The following NR3C2 variants were observed in gnomAD, a reference collection of about 807,000 sequenced individuals.
NR3C2 encodes nuclear receptor subfamily 3 group C member 2, also known as mineralocorticoid receptor.
NR3C2 carries 15 observed loss-of-function variants against 86.4 expected under a neutral mutation model. The ratio of observed to expected loss-of-function variants is 0.17; its 90% confidence interval spans 0.12 to 0.27. The LOEUF is 0.27. Ranked by LOEUF, NR3C2 falls within the 10% of genes least tolerant of loss-of-function variation. The pLI is 1.00. For missense variants in NR3C2, 960 were observed against 1,195.6 expected (o/e 0.80, Z 2.91); for synonymous variants, 458 against 450.5 (o/e 1.02, Z -0.21).
intron 2 of NR3C2, among the ~76,000 whole-genome samples, chr4:148,405,461 G>A (rs911711961): frequency 2.0e-5 from 3 of 152,090 alleles, no homozygotes; most frequent in African/African-American, 4.8e-5. Context: ...TGTAGGGAAC[G>A]CACAAAGACT....
chr4:148,316,245 A>G lies in NR3C2; in HGVS notation c.1758-56128T>C, dbSNP rs151086758. On this transcript the variant is annotated intron_variant, in intron 2 of 8. Transcript: ENST00000358102. ...CACACACAGGATTGTAAGGAAATAC[A>G]TATAATATAGTGGTCATCTGTGGTA... Among the ~76,000 whole-genome samples the G allele has an allele frequency of 8.4e-4, 128 of 152,324 alleles. 1 individual carries two copies. In the Middle Eastern group the frequency reaches 0.014, roughly 16 times the overall value.
At chr4:148,240,195 A>G (rs1738952081) in intron 3 of NR3C2, among the ~76,000 whole-genome samples, 1 of 149,500 alleles carries the variant, frequency 6.7e-6, no homozygotes. Context: ...AAATGTAATC[A>G]GTATAAAAAT....
At chr4:148,443,222 C>CAAAA (rs59506438), upstream of NR3C2, among the ~76,000 whole-genome samples, 1,124 of 40,902 alleles carry the variant, frequency 0.027, 115 homozygotes, top group African/African-American at 0.042. Context: ...CCCCTAACAC[C>CAAAA]AAAAAAAAAA....
chr4:148,242,272 G>T (rs1207361142), intron 3 of NR3C2, among the ~76,000 whole-genome samples: 1 of 152,158 alleles, frequency 6.6e-6, no homozygotes, highest in Non-Finnish European at 1.5e-5. Flanking sequence ...ACAAAGTAAG[G>T]AGATGGCGGC....
intron 4 of NR3C2, among the ~76,000 whole-genome samples, chr4:148,181,653 G>A (rs1402990339): frequency 2.0e-5 from 3 of 152,224 alleles, no homozygotes; most frequent in Non-Finnish European, 4.4e-5. Context: ...CTCATGTACA[G>A]AGAGCCACGG....
chr4:148,122,023 G>A (rs1233351607), intron 6 of NR3C2, among the ~76,000 whole-genome samples: 1 of 129,384 alleles, frequency 7.7e-6, no homozygotes, highest in Admixed American at 8.0e-5. Flanking sequence ...CCAACCAGCA[G>A]AGCATGAGCG....
At chr4:148,136,080 A>AC (rs1560940018) in intron 6 of NR3C2, among the ~76,000 whole-genome samples, 28 of 127,704 alleles carry the variant, frequency 2.2e-4, no homozygotes, top group South Asian at 2.6e-4. Context: ...AAAAAAACAA[A>AC]AAAAAAAAAC....
At chr4:148,241,234 A>T (rs948085921) in intron 3 of NR3C2, among the ~76,000 whole-genome samples, 18 of 128,440 alleles carry the variant, frequency 1.4e-4, no homozygotes, top group Admixed American at 9.6e-4. Context: ...GGAACCCAGG[A>T]GGCAGAGGTT....
intron 2 of NR3C2, among the ~76,000 whole-genome samples, chr4:148,326,493 G>A (rs1025863253): frequency 6.6e-6 from 1 of 152,120 alleles, no homozygotes; most frequent in Non-Finnish European, 1.5e-5. Flanking sequence ...AGTTGCCCAT[G>A]TTAGTGTTCC....
intron 4 of NR3C2, among the ~76,000 whole-genome samples, chr4:148,165,087 T>A (rs759235536): frequency 2.0e-5 from 3 of 152,154 alleles, no homozygotes; most frequent in Non-Finnish European, 2.9e-5. Context: ...TAAGTAATAG[T>A]TTTTTAAAAA....
rs73853741 is a variant in NR3C2, at chr4:148,116,617, T to C, written c.2642-2356A>G. Reference sequence around the variant, plus strand: ...TGAAAAATTTTCATGTGTTCTATCATAGATTAGCAAAACAAGCTTACTAAC... The same window carrying C: ...TGAAAAATTTTCATGTGTTCTATCACAGATTAGCAAAACAAGCTTACTAAC... On this transcript the variant is annotated intron_variant, in intron 7 of 8. Coordinates refer to ENST00000358102, the MANE Select transcript of NR3C2 (RefSeq NM_000901.5). Among the ~76,000 whole-genome samples the C allele has an allele frequency of 7.7e-3, 1,167 of 152,314 alleles. 16 individuals carry two copies. Among genetic ancestry groups the C allele is most frequent in the African/African-American group, 0.027 (1,111 of 41,560 alleles).
intron 2 of NR3C2, among the ~76,000 whole-genome samples, chr4:148,375,945 T>A (rs61763764): frequency 2.6e-5 from 4 of 152,138 alleles, no homozygotes; most frequent in Non-Finnish European, 5.9e-5. Context: ...CAAAAGAGAA[T>A]TAGGAAGTCA....
chr4:148,436,167 C>T lies in NR3C2; in HGVS notation c.694G>A (p.Gly232Arg). The T allele has an allele frequency of 6.2e-7, 1 of 1,614,078 alleles. No homozygotes were observed. The highest frequency in any genetic ancestry group is 8.5e-7 in the Non-Finnish European group (1 of 1,180,008). ...TTAGGGGAGCATGTCAGAGGAGTTC[C>T]CTGGGTGATTGGGCTGTGCACTGGA... Reference protein sequence around the residue: ...SFPVHSPITQGTPLTCSPNVE... With the variant: ...SFPVHSPITQRTPLTCSPNVE... The change falls in exon 2 of 9, where the codon GGA becomes AGA. Residue 232 changes from glycine (G) to arginine (R), a missense_variant. Gly to Arg is a moderately radical substitution (Grantham distance 125). Around this residue, in one of 4 missense-constraint regions of NR3C2, gnomAD observed 680 missense variants for 719.0 expected, o/e 0.95. Coordinates refer to ENST00000358102, the MANE Select transcript of NR3C2 (RefSeq NM_000901.5).
chr4:148,366,480 T>TGTTAAAAAAGAATATTTTTTAAAAAATA (rs1561066887), intron 2 of NR3C2, among the ~76,000 whole-genome samples: 1 of 19,360 alleles, frequency 5.2e-5, no homozygotes, highest in South Asian at 2.0e-3. Flanking sequence ...TAAAAAGTAC[T>TGTTAAAAAAGAATATTTTTTAAAAAATA]CAGCACTTTT....
intron 4 of NR3C2, among the ~76,000 whole-genome samples, chr4:148,192,597 AGGT>A (rs1365052668): frequency 7.0e-6 from 1 of 143,436 alleles, no homozygotes; most frequent in African/African-American, 2.7e-5. Context: ...AAGGACCATC[AGGT>A]GGGGGTATGG....
At chr4:148,174,420 G>A (rs1284889838) in intron 4 of NR3C2, among the ~76,000 whole-genome samples, 3 of 152,152 alleles carry the variant, frequency 2.0e-5, no homozygotes, top group Admixed American at 6.5e-5. Flanking sequence ...GAGTGACAAC[G>A]AGGTGGTTCC....
intron 4 of NR3C2, among the ~76,000 whole-genome samples, chr4:148,170,233 A>C (rs1268122403): frequency 6.6e-6 from 1 of 152,214 alleles, no homozygotes; most frequent in East Asian, 1.9e-4. Context: ...CCAGGGGTAA[A>C]ATCACCCCTG....
chr4:148,191,575 G>A (rs532103371), intron 4 of NR3C2, among the ~76,000 whole-genome samples: 1 of 152,332 alleles, frequency 6.6e-6, no homozygotes, highest in Non-Finnish European at 1.5e-5. Context: ...CCCCAAATAT[G>A]CTTTCCAGGC....
chr4:148,256,192 G>T (rs1739823501), intron 3 of NR3C2, among the ~76,000 whole-genome samples: 2 of 152,152 alleles, frequency 1.3e-5, no homozygotes, highest in Admixed American at 1.3e-4. Context: ...CATTTCCACA[G>T]ATCCCCATTC....
Sources: allele counts gnomAD v4.1 joint callset (sites outside exome capture counted in the v4.1 genomes callset), GRCh38; gene constraint gnomAD v4.1.1; regional missense constraint gnomAD v4.1.1; transcripts MANE v1.5; gene names NCBI Gene and HGNC (gene_info 2026-07-23, HGNC 2026-07-21).